PAFAH1B2: variants seen among roughly 807,000 people sequenced by gnomAD.
The protein encoded by PAFAH1B2 is platelet-activating factor acetylhydrolase IB subunit alpha2.
In PAFAH1B2, 8 loss-of-function variants were observed where a neutral mutation model predicts 28.0. That is an observed-to-expected ratio of 0.29 (90% CI 0.17 to 0.52). PAFAH1B2 has a LOEUF of 0.52. Ranked by LOEUF, PAFAH1B2 falls within the 20% of genes least tolerant of loss-of-function variation. The pLI, the probability that PAFAH1B2 is intolerant of heterozygous loss-of-function variation, is 0.97. For synonymous variants in PAFAH1B2, 104 were observed against 103.2 expected (o/e 1.01, Z -0.05); for missense variants, 190 against 282.6 (o/e 0.67, Z 2.35).
downstream of PAFAH1B2, chr11:117,175,245 G>A (rs1468540281): frequency 9.2e-7 from 1 of 1,085,732 alleles, no homozygotes; most frequent in East Asian, 4.8e-5. Context: ...ACATCCCTGA[G>A]GCCCCGACAT....
Position 117,170,099 on chromosome 11 carries a change from G to T in PAFAH1B2, c.*2400G>T. On this transcript the variant is annotated 3_prime_UTR_variant, in exon 6 of 6. Transcript: ENST00000527958. ...GATATTGAGTTCACTTTCATTTTTTGCCAGATTTCTTTGCACTACTTTAGG... is the reference window on the plus strand; with the variant it reads ...GATATTGAGTTCACTTTCATTTTTTTCCAGATTTCTTTGCACTACTTTAGG... 1 of 1,055,068 alleles carries T rather than the reference G, an allele frequency of 9.5e-7. No homozygotes were observed. The highest frequency in any genetic ancestry group is 1.7e-5 in the African/African-American group (1 of 60,516). 65.4% of individuals were successfully genotyped at this position (1,055,068 alleles called of 1,614,324 possible). A position where few individuals can be genotyped will look rare whatever the true frequency, so the allele number is the denominator to read the frequency against.
intron 5 of PAFAH1B2, among the ~76,000 whole-genome samples, chr11:117,165,920 A>T (rs1349394305): frequency 2.0e-5 from 3 of 151,456 alleles, no homozygotes; most frequent in African/African-American, 7.3e-5. Context: ...GCTCACTGCA[A>T]CCTCCGCCTC....
At chr11:117,149,033 A>ATTTTTTTTTTTTTTTTTT (rs71037462) in intron 1 of PAFAH1B2, among the ~76,000 whole-genome samples, 2 of 118,626 alleles carry the variant, frequency 1.7e-5, no homozygotes, top group Non-Finnish European at 3.5e-5. Context: ...ACACCTGCCA[A>ATTTTTTTTTTTTTTTTTT]TTTTTTTTTT....
At chr11:117,175,676 TGC>T, downstream of PAFAH1B2, 3 of 1,263,818 alleles carry the variant, frequency 2.4e-6, no homozygotes, top group African/African-American at 4.5e-5. Flanking sequence ...CCCGTTAAAT[TGC>T]AGTTTTCTGG....
exon 6 of PAFAH1B2, chr11:117,176,130 G>C (rs756100376): frequency 5.2e-6 from 3 of 578,652 alleles, no homozygotes; most frequent in Non-Finnish European, 6.1e-6. Context: ...GTACTAATGG[G>C]CTGAAGTTTT....
At chr11:117,172,388 ATATATATATATATATATTTTTTTTT>A (rs1956686129), downstream of PAFAH1B2, among the ~76,000 whole-genome samples, 1 of 1,840 alleles carries the variant, frequency 5.4e-4, no homozygotes, top group African/African-American at 2.0e-3. Context: ...ATATATATAT[ATATATATATATATATATTTTTTTTT>A]TTTTTTTTTT....
In PAFAH1B2 at chr11:117,147,250, G is replaced by A. The variant is rs529352862; in HGVS notation, c.-8+2832G>A. On this transcript the variant is annotated intron_variant, in intron 1 of 5. Coordinates refer to ENST00000527958, the MANE Select transcript of PAFAH1B2 (RefSeq NM_002572.4). ...GCCGTTGTACTCCAGTCTGGGCAACGGGAGCGAAACTCTGTCTCAAAAAAA... is the reference window on the plus strand; with the variant it reads ...GCCGTTGTACTCCAGTCTGGGCAACAGGAGCGAAACTCTGTCTCAAAAAAA... Among the ~76,000 whole-genome samples the A allele has an allele frequency of 1.7e-4, 26 of 152,240 alleles. No individual in the cohort carries two copies. The South Asian group carries it at 4.4e-3, about 26-fold the overall frequency.
chr11:117,175,671 T>G (rs999739528), downstream of PAFAH1B2: 1 of 1,283,988 alleles, frequency 7.8e-7, no homozygotes, highest in Non-Finnish European at 1.0e-6. Context: ...AGTGCCCCGT[T>G]AAATTGCAGT....
Position 117,168,452 on chromosome 11 carries a change from T to TTTTTTTTTTTTTTTG in PAFAH1B2, c.*767_*768insGTTTTTTTTTTTTTT. The stretch of plus-strand genomic sequence containing the variant: ...TCATTCCCCCCGCCACCCCGTTTTT[T>TTTTTTTTTTTTTTTG]TTTTTTTTTTTTTTTTTTTGGTTCT... On this transcript the variant is annotated 3_prime_UTR_variant, in exon 6 of 6. Transcript: ENST00000527958. 1.2e-6 allele frequency: 1 copy of TTTTTTTTTTTTTTTG among 804,570 alleles called. No individual in the cohort carries two copies. The highest frequency in any genetic ancestry group is 1.5e-6 in the Non-Finnish European group (1 of 672,246). 49.8% of individuals were successfully genotyped at this position (804,570 alleles called of 1,614,324 possible).
intron 4 of PAFAH1B2, among the ~76,000 whole-genome samples, chr11:117,163,441 G>A (rs1453559800): frequency 2.0e-5 from 3 of 152,080 alleles, no homozygotes; most frequent in African/African-American, 4.8e-5. Context: ...GGATGCCAAG[G>A]TGGGTGGATT....
At chr11:117,175,730 G>A, downstream of PAFAH1B2, 2 of 1,116,514 alleles carry the variant, frequency 1.8e-6, no homozygotes, top group Non-Finnish European at 2.4e-6. Context: ...GTAGGACTCT[G>A]GATGTGCGTT....
At chr11:117,151,832 A>G (rs1253113564) in intron 1 of PAFAH1B2, among the ~76,000 whole-genome samples, 2 of 151,786 alleles carry the variant, frequency 1.3e-5, no homozygotes, top group East Asian at 3.9e-4. Context: ...TCAGCCTCCC[A>G]AGTAGCTGGG....
downstream of PAFAH1B2, among the ~76,000 whole-genome samples, chr11:117,177,992 T>A (rs1435439089): frequency 6.6e-6 from 1 of 152,266 alleles, no homozygotes; most frequent in African/African-American, 2.4e-5. Flanking sequence ...ATTATAAATA[T>A]CACAGTGATA....
downstream of PAFAH1B2, among the ~76,000 whole-genome samples, chr11:117,177,262 T>C (rs1343326388): frequency 3.3e-5 from 5 of 152,126 alleles, no homozygotes. Flanking sequence ...TTGTAGAACA[T>C]TTGTAAATCT....
At chr11:117,175,461 T>C, downstream of PAFAH1B2, 7 of 1,074,942 alleles carry the variant, frequency 6.5e-6, no homozygotes, top group Non-Finnish European at 7.9e-6. Context: ...CCTCCCACTC[T>C]GTAGACGCAG....
intron 5 of PAFAH1B2, among the ~76,000 whole-genome samples, chr11:117,164,937 G>A (rs979659011): frequency 1.3e-5 from 2 of 148,404 alleles, no homozygotes; most frequent in Non-Finnish European, 3.0e-5. Context: ...TCGGGAGGCT[G>A]AAACAGATAA....
chr11:117,152,128 A>C (rs1263539943), intron 1 of PAFAH1B2, among the ~76,000 whole-genome samples: 1 of 152,252 alleles, frequency 6.6e-6, no homozygotes, highest in Non-Finnish European at 1.5e-5. Flanking sequence ...TGGTACTTAC[A>C]GTAACATATA....
At chr11:117,165,739 G>GTACATGT (rs1042404270) in intron 5 of PAFAH1B2, among the ~76,000 whole-genome samples, 1 of 152,044 alleles carries the variant, frequency 6.6e-6, no homozygotes, top group Non-Finnish European at 1.5e-5. Context: ...GCAAAGGCTT[G>GTACATGT]TACATGTATG....
intron 2 of PAFAH1B2, among the ~76,000 whole-genome samples, chr11:117,158,348 C>T (rs1380089882): frequency 6.6e-6 from 1 of 150,912 alleles, no homozygotes; most frequent in Non-Finnish European, 1.5e-5. Flanking sequence ...TGGCCAAAAT[C>T]TATTTTAGAG....
Sources: allele counts gnomAD v4.1 joint callset (sites outside exome capture counted in the v4.1 genomes callset), GRCh38; gene constraint gnomAD v4.1.1; transcripts MANE v1.5; gene names NCBI Gene and HGNC (gene_info 2026-07-23, HGNC 2026-07-21).